Variants in PNPLA6 observed in about 807,000 individuals in gnomAD.
PNPLA6 encodes patatin like domain 6, lysophospholipase.
In PNPLA6, 105 loss-of-function variants were observed where a neutral mutation model predicts 153.7. The observed-to-expected ratio is 0.68, with a 90% confidence interval of 0.58 to 0.80. PNPLA6 has a LOEUF of 0.80. Among genes scored for constraint, PNPLA6 ranks in the 30% least tolerant of loss-of-function variants. PNPLA6 has a pLI of 0.00. For missense variants in PNPLA6, 1,423 were observed against 1,919.3 expected (o/e 0.74, Z 4.83); for synonymous variants, 825 against 822.2 (o/e 1.00, Z -0.06).
chr19:7,559,464 C>T (rs762431013), intron 28 of PNPLA6, among the ~76,000 whole-genome samples: 4 of 152,206 alleles, frequency 2.6e-5, no homozygotes, highest in Non-Finnish European at 5.9e-5. Context: ...ATGTCTGCCA[C>T]AGTTCCAGGA....
chr19:7,560,017 A>G (rs933002192), intron 28 of PNPLA6, among the ~76,000 whole-genome samples: 4 of 151,820 alleles, frequency 2.6e-5, no homozygotes, highest in Non-Finnish European at 5.9e-5. Flanking sequence ...GCACATGCCT[A>G]TAGTCCCAGC....
intron 26 of PNPLA6, 41 bp downstream of exon 26, chr19:7,556,765 C>G (rs770877307): frequency 8.5e-6 from 12 of 1,407,062 alleles, no homozygotes; most frequent in African/African-American, 1.4e-5. Flanking sequence ...GCTGACGCCA[C>G]GTGGGGTTGG....
intron 27 of PNPLA6, chr19:7,557,529 TC>T: frequency 3.7e-6 from 2 of 540,206 alleles, no homozygotes; most frequent in Non-Finnish European, 7.0e-6. Flanking sequence ...CAGCCTGGAA[TC>T]CCAGCACTTT....
At chr19:7,551,861 A>G (rs1230720899) in intron 18 of PNPLA6, among the ~76,000 whole-genome samples, 1 of 152,068 alleles carries the variant, frequency 6.6e-6, no homozygotes, top group Non-Finnish European at 1.5e-5. Flanking sequence ...GCACTTTGGG[A>G]GGCTGAGGCA....
chr19:7,540,770 G>A lies in PNPLA6; in HGVS notation c.795+60G>A, dbSNP rs1024110221. On this transcript the variant is annotated intron_variant, in intron 6 of 31. Transcript: ENST00000600737. The surrounding 1 kb of genome is among the most constrained non-coding windows in gnomAD (Gnocchi z 6.8). ...GTGCAAGGTCCCACCCAAGGGACTAGGTTGAAGGAAATCACAGGGTCCCCA... is the reference window on the plus strand; with the variant it reads ...GTGCAAGGTCCCACCCAAGGGACTAAGTTGAAGGAAATCACAGGGTCCCCA... The A allele has an allele frequency of 3.2e-6, 5 of 1,548,486 alleles. No homozygotes were observed. Among genetic ancestry groups the A allele is most frequent in the Non-Finnish European group, 4.5e-6 (5 of 1,120,216 alleles).
At position 7,540,318 on chromosome 19, in the gene PNPLA6, CCT is replaced by C. The variant is rs1196876005; in HGVS notation, c.714+12_714+13del. The stretch of plus-strand genomic sequence containing the variant: ...CTGTCTGCCAGGGCCTGTGAGTGGG[CCT>C]CCCCAGGGGCTGCTGCAGGAGGATG... On this transcript the variant is annotated intron_variant, in intron 5 of 31. Transcript: ENST00000600737. This position sits in a 1 kb window ranked among gnomAD's most constrained non-coding sequence, Gnocchi z 6.8. 3 of 1,600,414 alleles carry C rather than the reference CCT, an allele frequency of 1.9e-6. No homozygotes were observed. The highest frequency in any genetic ancestry group is 1.7e-6 in the Non-Finnish European group (2 of 1,176,068).
intron 30 of PNPLA6, 43 bp downstream of exon 30, chr19:7,561,153 G>T: frequency 6.3e-7 from 1 of 1,588,872 alleles, no homozygotes; most frequent in Admixed American, 1.7e-5. Flanking sequence ...GGGAGTGGCT[G>T]GAGATGGCAG....
intron 21 of PNPLA6, 55 bp downstream of exon 21, chr19:7,554,778 C>T (rs1248209487): frequency 1.3e-6 from 2 of 1,598,658 alleles, no homozygotes; most frequent in South Asian, 1.1e-5. Context: ...CCTTTGCCCT[C>T]CCGTGCCTGC....
chr19:7,551,326 A>T, intron 17 of PNPLA6, 36 bp from the exon 18 acceptor site: 1 of 1,601,150 alleles, frequency 6.2e-7, no homozygotes, highest in Non-Finnish European at 8.6e-7. Flanking sequence ...GCCGCTTCCC[A>T]GGTCTCACTG....
chr19:7,545,764 TAGTC>T (rs1056644806), intron 13 of PNPLA6, among the ~76,000 whole-genome samples: 8 of 151,812 alleles, frequency 5.3e-5, no homozygotes, highest in Non-Finnish European at 1.2e-4. Context: ...ATTCAAAAAT[TAGTC>T]AGGCACGATG....
intron 13 of PNPLA6, 21 bp downstream of exon 13, chr19:7,543,105 G>T (rs2023232789): frequency 6.2e-7 from 1 of 1,603,262 alleles, no homozygotes; most frequent in Non-Finnish European, 8.5e-7. Context: ...CCCCTGACCT[G>T]TAACCATGCC....
chr19:7,540,408 C>T lies in PNPLA6; in HGVS notation c.714+100C>T, dbSNP rs916561098. ...CTGGTGGTCTTTGGAGATGCGTCAT[C>T]GGGAGTCAGGGGAACGGGTGACCGA... On this transcript the variant is annotated intron_variant, in intron 5 of 31. Coordinates refer to ENST00000600737, the MANE Select transcript of PNPLA6 (RefSeq NM_001166114.2). The surrounding 1 kb of genome is among the most constrained non-coding windows in gnomAD (Gnocchi z 6.8). 5 of 1,355,678 alleles carry T rather than the reference C, an allele frequency of 3.7e-6. No homozygotes were observed. The highest frequency in any genetic ancestry group is 2.8e-5 in the African/African-American group (2 of 70,276). 84.0% of individuals were successfully genotyped at this position (1,355,678 alleles called of 1,614,324 possible).
rs1282912583 is a variant in PNPLA6 at position 7,550,109 on chromosome 19, A to G, written c.1811A>G (p.Tyr604Cys). 1 of 1,613,884 alleles carries G rather than the reference A, an allele frequency of 6.2e-7. No homozygotes were observed. Among genetic ancestry groups the G allele is most frequent in the Non-Finnish European group, 8.5e-7 (1 of 1,180,040 alleles). Residue 604 changes from tyrosine (Y) to cysteine (C), a missense_variant, in exon 14 of 32, where the codon TAT becomes TGT. Transcript: ENST00000600737. ...TFLRISKSDFYEIMRAQPSVV... is the reference protein window; with the variant it reads ...TFLRISKSDFCEIMRAQPSVV... ...CTGCGGATCTCCAAGTCCGACTTCT[A>G]TGAGTATGACAGCCCGAAGTTGGAG...
In PNPLA6 at chr19:7,561,596, C is replaced by T. The variant is rs757702031; in HGVS notation, c.*34C>T. ...ACAGGGGTCACCCCCTCCCTCCCAC[C>T]CCTGGACTGGGCTGGGGGTGGCCCC... On this transcript the variant is annotated 3_prime_UTR_variant, in exon 32 of 32. Coordinates refer to ENST00000600737, the MANE Select transcript of PNPLA6 (RefSeq NM_001166114.2). 1.3e-6 allele frequency: 2 copies of T among 1,483,958 alleles called. No homozygotes were observed. The highest frequency in any genetic ancestry group is 1.8e-6 in the Non-Finnish European group (2 of 1,091,168). The allele number at this position is 1,483,958 out of a possible 1,614,324, so 91.9% of individuals were successfully genotyped here. A position where few individuals can be genotyped will look rare whatever the true frequency, so the allele number is the denominator to read the frequency against.
At chr19:7,553,277 G>T (rs182962655) in intron 18 of PNPLA6, among the ~76,000 whole-genome samples, 89 of 152,172 alleles carry the variant, frequency 5.8e-4, no homozygotes, top group Admixed American at 5.6e-3. Flanking sequence ...TTTAAGACAG[G>T]GTCTCGCTCT....
At position 7,542,544 on chromosome 19, in the gene PNPLA6, C is replaced by G. The variant is rs1432788294; in HGVS notation, c.1253-17C>G. The G allele has an allele frequency of 6.3e-7, 1 of 1,586,006 alleles. No individual in the cohort carries two copies. The highest frequency in any genetic ancestry group is 8.7e-7 in the Non-Finnish European group (1 of 1,154,712). Reference sequence around the variant, plus strand: ...TCTCATCTTTATGGTTTTTGTTGCCCCCCTGCCTGCCTGCAGGCTTGCAGG... The same window carrying G: ...TCTCATCTTTATGGTTTTTGTTGCCGCCCTGCCTGCCTGCAGGCTTGCAGG... On this transcript the variant is annotated splice_polypyrimidine_tract_variant and intron_variant, in intron 10 of 31. Coordinates refer to ENST00000600737, the MANE Select transcript of PNPLA6 (RefSeq NM_001166114.2).
intron 18 of PNPLA6, among the ~76,000 whole-genome samples, chr19:7,553,177 G>C (rs868397862): frequency 3.9e-5 from 6 of 152,130 alleles, no homozygotes; most frequent in Middle Eastern, 3.2e-3. Context: ...TTGACAGCTG[G>C]TCTAGGCTGT....
In PNPLA6 at chr19:7,540,375, C is replaced by T. The variant is rs2023075403; in HGVS notation, c.714+67C>T. The T allele has an allele frequency of 2.0e-6, 3 of 1,512,370 alleles. No homozygotes were observed. The highest frequency in any genetic ancestry group is 2.7e-6 in the Non-Finnish European group (3 of 1,119,270). The allele number at this position is 1,512,370 out of a possible 1,614,324, so 93.7% of individuals were successfully genotyped here. A position where few individuals can be genotyped will look rare whatever the true frequency, so the allele number is the denominator to read the frequency against. On this transcript the variant is annotated intron_variant, in intron 5 of 31. Coordinates refer to ENST00000600737, the MANE Select transcript of PNPLA6 (RefSeq NM_001166114.2). This position sits in a 1 kb window ranked among gnomAD's most constrained non-coding sequence, Gnocchi z 6.8. ...GTGGGGATGGGCAGCAGGCATTGGT[C>T]TGTAGAGCTGGTGGTCTTTGGAGAT...
intron 20 of PNPLA6, 113 bp downstream of exon 20, chr19:7,554,385 A>C (rs909238781): frequency 2.1e-5 from 26 of 1,253,058 alleles, no homozygotes; most frequent in African/African-American, 3.0e-5. Flanking sequence ...CGTCTTACCC[A>C]TAGGTCAATG....
Sources: allele counts gnomAD v4.1 joint callset (sites outside exome capture counted in the v4.1 genomes callset), GRCh38; gene constraint gnomAD v4.1.1; non-coding constraint Gnocchi (gnomAD v3.1); transcripts MANE v1.5; gene names NCBI Gene and HGNC (gene_info 2026-07-23, HGNC 2026-07-21).